DOCK11: variants seen among roughly 807,000 people sequenced by gnomAD.
DOCK11 encodes dedicator of cytokinesis protein 11.
A neutral mutation model predicts 169.1 loss-of-function variants in DOCK11; 70 were observed. The ratio of observed to expected loss-of-function variants is 0.41; its 90% confidence interval spans 0.34 to 0.51. The LOEUF (loss-of-function observed/expected upper bound fraction) is 0.51, where lower values mean the gene tolerates loss of function less well. DOCK11 is among the 20% of genes least tolerant of loss of function. The pLI, the probability that DOCK11 is intolerant of heterozygous loss-of-function variation, is 0.10. For missense variants in DOCK11, 1,166 were observed against 1,538.8 expected (o/e 0.76, Z 4.05); for synonymous variants, 529 against 541.3 (o/e 0.98, Z 0.32).
chrX:118,638,532 T>A (rs2015448358), intron 37 of DOCK11, among the ~76,000 whole-genome samples: 2 of 112,395 alleles, frequency 1.8e-5, no homozygotes, highest in Admixed American at 9.4e-5. Flanking sequence ...ATACATTATC[T>A]ATTTCCTCTT....
At chrX:118,561,916 T>C (rs2012925067) in intron 7 of DOCK11, among the ~76,000 whole-genome samples, 1 of 110,197 alleles carries the variant, frequency 9.1e-6, no homozygotes, top group African/African-American at 3.3e-5. Context: ...GTATAATCCC[T>C]GCGCTTTGTA....
In DOCK11 at chrX:118,588,405, C is replaced by A. The variant is rs767239501; in HGVS notation, c.1981-8C>A. 8.5e-7 allele frequency: 1 copy of A among 1,181,926 alleles called. No homozygotes were observed. The highest frequency in any genetic ancestry group is 1.1e-6 in the Non-Finnish European group (1 of 881,401). On this transcript the variant is annotated splice_polypyrimidine_tract_variant and splice_region_variant and intron_variant, in intron 17 of 52. Coordinates refer to ENST00000276202, the MANE Select transcript of DOCK11 (RefSeq NM_144658.4). ...GTGTGACTCATTTTGACTGATTAAT[C>A]ATTTTAGGCAAGGAACATTGCAGTC...
chrX:118,574,103 G>A (rs1408271936), intron 12 of DOCK11, 85 bp downstream of exon 12: 1 of 949,335 alleles, frequency 1.1e-6, no homozygotes, highest in Non-Finnish European at 1.5e-6. Flanking sequence ...TCAGGCCAAT[G>A]TTTTCATGGC....
chrX:118,599,072 A>T, intron 22 of DOCK11, 67 bp from the exon 23 acceptor site: 3 of 853,742 alleles, frequency 3.5e-6, no homozygotes, highest in Non-Finnish European at 5.2e-6. Context: ...GAGGAGGGAG[A>T]GGTAGAGAGC....
chrX:118,611,769 A>G (rs1195479498), intron 28 of DOCK11, among the ~76,000 whole-genome samples: 1 of 110,487 alleles, frequency 9.1e-6, no homozygotes, highest in Non-Finnish European at 1.9e-5. Flanking sequence ...TTTTTTTTTA[A>G]TTTGAGACAG....
chrX:118,596,319 C>T (rs909203701), intron 20 of DOCK11, among the ~76,000 whole-genome samples: 4 of 112,055 alleles, frequency 3.6e-5, no homozygotes, highest in African/African-American at 1.3e-4. Flanking sequence ...AGGCACATTT[C>T]GGAGTCTGAG....
chrX:118,526,600 G>A (rs889145302), intron 1 of DOCK11, among the ~76,000 whole-genome samples: 2 of 112,012 alleles, frequency 1.8e-5, no homozygotes, highest in Non-Finnish European at 3.8e-5. Flanking sequence ...TACATTCCTG[G>A]GTTCTGGGAA....
Position 118,680,723 on chromosome X carries a change from T to C in DOCK11, c.5671+31T>C, listed in dbSNP as rs778107687. ...TACAATTTTACATATTAACTTCTTA[T>C]TTGTCTTGGTCTTTTTCAGCATACA... On this transcript the variant is annotated intron_variant, in intron 49 of 52. Transcript: ENST00000276202. 16 of 1,097,285 alleles carry C rather than the reference T, an allele frequency of 1.5e-5. No homozygotes were observed. The African/African-American group carries it at 2.9e-4, about 20-fold the overall frequency. The allele number at this position is 1,097,285 out of a possible 1,213,427, so 90.4% of individuals were successfully genotyped here.
intron 11 of DOCK11, 28 bp downstream of exon 11, chrX:118,572,491 C>A (rs777889461): frequency 2.2e-5 from 26 of 1,158,957 alleles, no homozygotes; most frequent in Middle Eastern, 2.4e-4. Flanking sequence ...TTCTACCCCC[C>A]TTGCATCAGT....
intron 35 of DOCK11, 36 bp from the exon 36 acceptor site, chrX:118,636,310 T>C: frequency 1.1e-6 from 1 of 928,458 alleles, no homozygotes; most frequent in East Asian, 3.2e-5. Context: ...GCTGTAATTA[T>C]TTCAAGATCT....
chrX:118,647,804 ATAATATATAT>A (rs749134207), intron 40 of DOCK11, among the ~76,000 whole-genome samples: 2 of 48,225 alleles, frequency 4.1e-5, no homozygotes, highest in African/African-American at 2.0e-4. Flanking sequence ...ATAATATATA[ATAATATATAT>A]TATATTATTA....
intron 1 of DOCK11, among the ~76,000 whole-genome samples, chrX:118,508,595 G>A (rs763374977): frequency 1.7e-4 from 19 of 110,565 alleles, no homozygotes; most frequent in Non-Finnish European, 3.0e-4. Flanking sequence ...TAAATCAACC[G>A]GTACATACAT....
chrX:118,581,189 G>T (rs745866279), intron 14 of DOCK11, among the ~76,000 whole-genome samples: 1 of 112,118 alleles, frequency 8.9e-6, no homozygotes, highest in Non-Finnish European at 1.9e-5. Flanking sequence ...ATTATGTTCA[G>T]TGGGTGCTAG....
chrX:118,604,038 C>T lies in DOCK11; in HGVS notation c.2563-1200C>T, dbSNP rs371467878. ...TTTTGAGGTAGAGTTATTCTTTGTCCGTGAGGGTCTGTGTGTGCGTCGTAG... is the reference window on the plus strand; with the variant it reads ...TTTTGAGGTAGAGTTATTCTTTGTCTGTGAGGGTCTGTGTGTGCGTCGTAG... On this transcript the variant is annotated intron_variant, in intron 23 of 52. Coordinates refer to ENST00000276202, the MANE Select transcript of DOCK11 (RefSeq NM_144658.4). Among the ~76,000 whole-genome samples the T allele has an allele frequency of 2.6e-4, 29 of 111,686 alleles. 1 individual carries two copies. In the East Asian group the frequency reaches 3.9e-3, roughly 15 times the overall value.
intron 44 of DOCK11, among the ~76,000 whole-genome samples, chrX:118,661,989 T>C (rs902405722): frequency 3.6e-5 from 4 of 112,379 alleles, no homozygotes; most frequent in Admixed American, 2.8e-4. Context: ...CTAGGCTCCA[T>C]TCTAAACACT....
chrX:118,626,065 C>CTTTTTT (rs570844267), intron 32 of DOCK11, among the ~76,000 whole-genome samples: 1 of 92,654 alleles, frequency 1.1e-5, no homozygotes, highest in African/African-American at 4.0e-5. Context: ...AAATCCTTTA[C>CTTTTTT]TTTTTTTTTT....
At position 118,523,077 on chromosome X, in the gene DOCK11, G is replaced by T. The variant is rs894087646; in HGVS notation, c.103-19648G>T. ...TGAGGTAACGCATGTAATGCATTTC[G>T]CATAGTACCTGGTGCTTAGCAAGCT... On this transcript the variant is annotated intron_variant, in intron 1 of 52. Coordinates refer to ENST00000276202, the MANE Select transcript of DOCK11 (RefSeq NM_144658.4). Among the ~76,000 whole-genome samples, 4 of 112,368 alleles carry T rather than the reference G, an allele frequency of 3.6e-5. No individual in the cohort carries two copies. In the Admixed American group the frequency reaches 3.8e-4, roughly 11 times the overall value.
rs778581528 is a variant in DOCK11, at chrX:118,513,375, A to G, written c.102+17302A>G. Among the ~76,000 whole-genome samples, 11 of 112,352 alleles carry G rather than the reference A, an allele frequency of 9.8e-5. No homozygotes were observed. The East Asian group carries it at 2.8e-3, about 29-fold the overall frequency. Reference sequence around the variant, plus strand: ...ATGTTGTGGAGCTACACATCTGGCAAGGTTGTCCCCTAAAATGTCCTGGCT... The same window carrying G: ...ATGTTGTGGAGCTACACATCTGGCAGGGTTGTCCCCTAAAATGTCCTGGCT... On this transcript the variant is annotated intron_variant, in intron 1 of 52. Coordinates refer to ENST00000276202, the MANE Select transcript of DOCK11 (RefSeq NM_144658.4).
intron 36 of DOCK11, 43 bp downstream of exon 36, chrX:118,636,455 G>T: frequency 1.4e-6 from 1 of 725,866 alleles, no homozygotes; most frequent in Non-Finnish European, 1.9e-6. Flanking sequence ...CCCCTTATTT[G>T]GGGAGAATTC....
Sources: allele counts gnomAD v4.1 joint callset (sites outside exome capture counted in the v4.1 genomes callset), GRCh38; gene constraint gnomAD v4.1.1; transcripts MANE v1.5; gene names NCBI Gene and HGNC (gene_info 2026-07-23, HGNC 2026-07-21).